Variants in DUXA observed in about 807,000 individuals in gnomAD.
DUXA encodes the protein double homeobox A.
DUXA carries 25 observed loss-of-function variants against 27.5 expected under a neutral mutation model. The ratio of observed to expected loss-of-function variants is 0.91; its 90% CI spans 0.66 to 1.27. The LOEUF is 1.27. Ranked by LOEUF, DUXA falls within the 50% of genes most tolerant of loss-of-function variation. The pLI is 0.00. For missense variants in DUXA, 247 were observed against 242.9 expected, an observed-to-expected ratio of 1.02 and a Z score of -0.11; for synonymous variants, 90 against 80.5, an observed-to-expected ratio of 1.12 and a Z score of -0.63.
intron 1 of DUXA, among the ~76,000 whole-genome samples, chr19:57,164,896 G>T (rs780654629): frequency 6.6e-6 from 1 of 152,032 alleles, no homozygotes; most frequent in Non-Finnish European, 1.5e-5. Flanking sequence ...ACCACTTTTT[G>T]TTCTTGCACT....
In DUXA at chr19:57,158,274, T is replaced by C. The variant is rs1217427524; in HGVS notation, c.438+54A>G. 5.6e-6 allele frequency: 9 copies of C among 1,596,026 alleles called. No individual in the cohort carries two copies. In the Admixed American group the frequency reaches 1.3e-4, roughly 24 times the overall value. On this transcript the variant is annotated intron_variant, in intron 4 of 5. Transcript: ENST00000554048. ...CTGCCTGAGGCCCATGTGGCTTCCCTTCCTGTATACCTAGATCCCTAGGAG... is the reference window on the plus strand; with the variant it reads ...CTGCCTGAGGCCCATGTGGCTTCCCCTCCTGTATACCTAGATCCCTAGGAG...
Position 57,159,179 on chromosome 19 carries a change from C to T in DUXA, c.280G>A (p.Val94Met), listed in dbSNP as rs1230928743. The change falls in exon 3 of 6, where the codon GTG becomes ATG. Residue 94 changes from valine (V) to methionine (M), a missense_variant. Transcript: ENST00000554048. ...SQSQGQDQPG[V>M]EFQSREARRC... The stretch of plus-strand genomic sequence containing the variant: ...GAGGGTTATTTACTTTGAAACTCCA[C>T]ACCAGGTTGATCTTGCCCCTGGCTC... 1.2e-6 allele frequency: 2 copies of T among 1,613,754 alleles called. No individual in the cohort carries two copies. Among genetic ancestry groups the T allele is most frequent in the African/African-American group, 1.3e-5 (1 of 74,922 alleles).
At chr19:57,160,932 T>C in intron 1 of DUXA, 135 bp from the exon 2 acceptor site, 1 of 972,028 alleles carries the variant, frequency 1.0e-6, no homozygotes, top group East Asian at 2.5e-5. Context: ...CTCATACAAG[T>C]ATGGAGCTCT....
chr19:57,160,574 G>A, intron 2 of DUXA, 69 bp downstream of exon 2: 1 of 1,563,330 alleles, frequency 6.4e-7, no homozygotes, highest in Non-Finnish European at 8.7e-7. Context: ...TACATAGTAT[G>A]GGCTCCGTTA....
intron 3 of DUXA, 130 bp downstream of exon 3, chr19:57,159,037 G>A (rs913524467): frequency 1.4e-5 from 10 of 699,282 alleles, no homozygotes; most frequent in African/African-American, 5.4e-5. Context: ...TCTAGGGTAC[G>A]ATGAACCCTT....
intron 5 of DUXA, 109 bp downstream of exon 5, chr19:57,155,158 T>C (rs2086986145): frequency 1.1e-6 from 1 of 945,226 alleles, no homozygotes; most frequent in African/African-American, 1.6e-5. Context: ...AGCACTTGAG[T>C]GGGGATATCC....
rs752626275 is a variant in DUXA at position 57,155,275 on chromosome 19, C to G, written c.536G>C (p.Gly179Ala). The change falls in exon 5 of 6, where the codon GGA becomes GCA. Residue 179 changes from glycine to alanine, a missense_variant. Coordinates refer to ENST00000554048, the MANE Select transcript of DUXA (RefSeq NM_001012729.2). ...AACAACAGGCTAGTTACCTTGCAGT[C>G]CCTCAGGAATCTTGCCCTGCTCTTC... ...EQEEQGKIPE[G>A]LQGAEDTQNG... 3 of 1,614,076 alleles carry G rather than the reference C, an allele frequency of 1.9e-6. No individual in the cohort carries two copies. The highest frequency in any genetic ancestry group is 2.2e-5 in the South Asian group (2 of 91,074).
chr19:57,167,337 A>G, intron 1 of DUXA, 82 bp downstream of exon 1: 1 of 1,564,784 alleles, frequency 6.4e-7, no homozygotes, highest in South Asian at 1.1e-5. Flanking sequence ...GAACTCTCAC[A>G]ACTTCTGACA....
intron 1 of DUXA, among the ~76,000 whole-genome samples, chr19:57,162,705 G>A (rs920970639): frequency 2.0e-5 from 3 of 152,154 alleles, no homozygotes; most frequent in Non-Finnish European, 2.9e-5. Flanking sequence ...CTCCAAAGTA[G>A]CTGGGGTTAC....
chr19:57,154,993 G>A (rs779713441), intron 5 of DUXA, among the ~76,000 whole-genome samples: 4 of 152,192 alleles, frequency 2.6e-5, no homozygotes, highest in Non-Finnish European at 5.9e-5. Flanking sequence ...AGTGTATTGA[G>A]CGTTTCCTTT....
chr19:57,154,618 CG>C, intron 5 of DUXA, 136 bp from the exon 6 acceptor site: 1 of 614,594 alleles, frequency 1.6e-6, no homozygotes, highest in Non-Finnish European at 2.7e-6. Context: ...GGCTGGAGTG[CG>C]GTGGCGCGAT....
chr19:57,161,484 GCA>G (rs2087022752), intron 1 of DUXA, among the ~76,000 whole-genome samples: 1 of 149,710 alleles, frequency 6.7e-6, no homozygotes, highest in Non-Finnish European at 1.5e-5. Flanking sequence ...TTAGCCGGGC[GCA>G]GTGGCGGGCA....
chr19:57,160,533 G>C (rs556338327), intron 2 of DUXA, 110 bp downstream of exon 2: 1 of 1,309,662 alleles, frequency 7.6e-7, no homozygotes, highest in South Asian at 1.4e-5. Flanking sequence ...GGTCAGTTGA[G>C]ATACTCCCTA....
chr19:57,157,088 A>G (rs2086996423), intron 4 of DUXA, among the ~76,000 whole-genome samples: 1 of 152,196 alleles, frequency 6.6e-6, no homozygotes, highest in African/African-American at 2.4e-5. Flanking sequence ...TGCTCCGAAT[A>G]ATGCAAAATG....
Position 57,159,228 on chromosome 19 carries a change from T to C in DUXA, c.231A>G (p.Glu77=). The C allele has an allele frequency of 6.2e-7, 1 of 1,614,184 alleles. No homozygotes were observed. Among genetic ancestry groups the C allele is most frequent in the Non-Finnish European group, 8.5e-7 (1 of 1,180,032 alleles). Residue 77 remains glutamate, a synonymous_variant, in exon 3 of 6, where the codon GAA becomes GAG. Transcript: ENST00000554048. ...TCTGGCTTGATTCTAAAGTCTCAGC[T>C]TCTGGTCTTTTCTGGAATCCGTGCC... ...RARHGFQKRP[E]AETLESSQSQ... is the part of the protein sequence containing the mutation.
At chr19:57,157,606 C>T (rs1265165313) in intron 4 of DUXA, among the ~76,000 whole-genome samples, 1 of 152,074 alleles carries the variant, frequency 6.6e-6, no homozygotes, top group African/African-American at 2.4e-5. Context: ...GCTGGCATTA[C>T]AGACGTGAGC....
intron 1 of DUXA, among the ~76,000 whole-genome samples, chr19:57,161,697 T>C (rs1468218863): frequency 6.6e-6 from 1 of 151,718 alleles, no homozygotes; most frequent in Non-Finnish European, 1.5e-5. Flanking sequence ...ATGCCAATAA[T>C]TTTTTTTAAA....
At chr19:57,164,589 T>TTA (rs1487720686) in intron 1 of DUXA, among the ~76,000 whole-genome samples, 1 of 151,820 alleles carries the variant, frequency 6.6e-6, no homozygotes, top group Non-Finnish European at 1.5e-5. Flanking sequence ...AAAATAAAAT[T>TTA]AAAAATAATT....
chr19:57,165,324 A>AATATAT (rs74179420), intron 1 of DUXA, among the ~76,000 whole-genome samples: 18 of 89,276 alleles, frequency 2.0e-4, no homozygotes, highest in East Asian at 6.1e-4. Context: ...AAAAAAAAAA[A>AATATAT]ATATATATAT....
Sources: gnomAD v4.1 joint callset for allele counts (sites outside exome capture counted in the v4.1 genomes callset) on GRCh38, gnomAD v4.1.1 for gene constraint, MANE v1.5 for transcripts, NCBI Gene and HGNC (gene_info 2026-07-23, HGNC 2026-07-21) for gene names.